The following NEGR1 variants were observed in gnomAD, a reference collection of about 807,000 sequenced individuals.
NEGR1 encodes IgLON family member 4.
Under a neutral mutation model 40.9 loss-of-function variants are expected in NEGR1, and 10 were observed. The observed-to-expected ratio is 0.24, with a 90% CI of 0.15 to 0.42. The LOEUF (loss-of-function observed/expected upper bound fraction) is 0.42. Ranked by LOEUF, NEGR1 falls within the 10% of genes least tolerant of loss-of-function variation. NEGR1 has a pLI of 1.00. For synonymous variants in NEGR1, 185 were observed against 166.8 expected (o/e 1.11, Z -0.84); for missense variants, 352 against 438.9 (o/e 0.80, Z 1.77).
chr1:72,100,725 A>C (rs979917623), intron 1 of NEGR1: 3 of 152,218 alleles, frequency 2.0e-5, no homozygotes, highest in Non-Finnish European at 4.4e-5. Flanking sequence ...AATCTTATCA[A>C]TTATGTGCCT....
intron 1 of NEGR1, among the ~76,000 whole-genome samples, chr1:72,127,300 T>TA (rs1226259848): frequency 3.3e-5 from 5 of 151,298 alleles, no homozygotes; most frequent in South Asian, 4.2e-4. Context: ...CTGTCTCTAC[T>TA]AAAAAAACAA....
intron 1 of NEGR1, among the ~76,000 whole-genome samples, chr1:72,070,789 A>T (rs1647430042): frequency 6.6e-6 from 1 of 152,078 alleles, no homozygotes; most frequent in Non-Finnish European, 1.5e-5. Context: ...TAACTATATT[A>T]AACAAAAGTC....
At chr1:72,232,171 T>C (rs965015274) in intron 1 of NEGR1, among the ~76,000 whole-genome samples, 2 of 152,038 alleles carry the variant, frequency 1.3e-5, no homozygotes, top group East Asian at 1.9e-4. Context: ...TTGGCCGATA[T>C]GGTGAAACCC....
chr1:71,965,824 C>A (rs567739850), intron 1 of NEGR1, among the ~76,000 whole-genome samples: 2 of 152,078 alleles, frequency 1.3e-5, no homozygotes, highest in South Asian at 4.2e-4. Context: ...ATTATGTCCT[C>A]CTTAGATAAC....
At chr1:72,186,823 G>A (rs1033398568) in intron 1 of NEGR1, among the ~76,000 whole-genome samples, 2 of 151,512 alleles carry the variant, frequency 1.3e-5, no homozygotes, top group African/African-American at 4.8e-5. Flanking sequence ...GAAGAACTCT[G>A]AAAACTGTAA....
Position 71,832,359 on chromosome 1 carries a change from G to A in NEGR1, c.410-56062C>T, listed in dbSNP as rs950965081. Among the ~76,000 whole-genome samples, 12 of 152,096 alleles carry A rather than the reference G, an allele frequency of 7.9e-5. No homozygotes were observed. In the East Asian group the frequency reaches 1.6e-3, roughly 20 times the overall value. ...TCAGAGATACAAAGCTGAAAGGAAG[G>A]TTGTCTCTAGATTTTTCTTGCTCAG... On this transcript the variant is annotated intron_variant, in intron 2 of 6. Transcript: ENST00000357731.
chr1:72,127,589 G>T (rs1023894633), intron 1 of NEGR1, among the ~76,000 whole-genome samples: 1 of 150,676 alleles, frequency 6.6e-6, no homozygotes, highest in African/African-American at 2.4e-5. Flanking sequence ...AGCATCTAAA[G>T]GTGGTATAAA....
chr1:72,276,630 G>A (rs951671317), intron 1 of NEGR1, among the ~76,000 whole-genome samples: 1 of 151,486 alleles, frequency 6.6e-6, no homozygotes, highest in Non-Finnish European at 1.5e-5. Flanking sequence ...TTTTTTCTTT[G>A]TAATATGCCT....
At chr1:71,961,026 A>G (rs1457679382) in intron 1 of NEGR1, among the ~76,000 whole-genome samples, 1 of 152,196 alleles carries the variant, frequency 6.6e-6, no homozygotes, top group Non-Finnish European at 1.5e-5. Flanking sequence ...AAATTATTAT[A>G]GCAACTACGT....
rs2101868260 is a variant in NEGR1 at position 71,906,126 on chromosome 1, T to C, written c.409+28953A>G. Among the ~76,000 whole-genome samples the C allele has an allele frequency of 1.3e-5, 2 of 152,228 alleles. 1 individual carries two copies. The highest frequency in any genetic ancestry group is 4.1e-4 in the South Asian group (2 of 4,824). On this transcript the variant is annotated intron_variant, in intron 2 of 6. Transcript: ENST00000357731. ...TACTCATGCTGCTAAAACGGAGCAC[T>C]CTAAAACTCTTCCAATTCTGGGTGC...
At chr1:71,860,777 C>T (rs1046078388) in intron 2 of NEGR1, among the ~76,000 whole-genome samples, 3 of 151,928 alleles carry the variant, frequency 2.0e-5, no homozygotes, top group African/African-American at 7.2e-5. Context: ...CTCTTATGTA[C>T]AGATGAAAAA....
At chr1:71,927,106 A>C (rs2101888426) in intron 2 of NEGR1, among the ~76,000 whole-genome samples, 1 of 152,284 alleles carries the variant, frequency 6.6e-6, no homozygotes, top group African/African-American at 2.4e-5. Flanking sequence ...TAGTAGCTAA[A>C]CCCATAACCT....
At chr1:72,075,088 G>A (rs1255689494) in intron 1 of NEGR1, among the ~76,000 whole-genome samples, 2 of 151,932 alleles carry the variant, frequency 1.3e-5, no homozygotes, top group Non-Finnish European at 2.9e-5. Context: ...AAATAACTTA[G>A]CAATTTTCCT....
At chr1:72,053,227 A>G (rs1425689745) in intron 1 of NEGR1, among the ~76,000 whole-genome samples, 1 of 151,030 alleles carries the variant, frequency 6.6e-6, no homozygotes, top group Non-Finnish European at 1.5e-5. Context: ...ATTTTTTTTT[A>G]GGAGCCTGTG....
chr1:71,901,678 T>TA (rs1489204719), intron 2 of NEGR1, among the ~76,000 whole-genome samples: 1 of 147,930 alleles, frequency 6.8e-6, no homozygotes, highest in Non-Finnish European at 1.5e-5. Context: ...TTTTTTTTTT[T>TA]TTTTTTTTTT....
intron 1 of NEGR1, among the ~76,000 whole-genome samples, chr1:72,142,742 A>T (rs1254326658): frequency 6.6e-6 from 1 of 151,760 alleles, no homozygotes; most frequent in African/African-American, 2.4e-5. Context: ...GGCAGAATTT[A>T]GTTTTTGTTT....
At chr1:72,165,875 TCTC>T (rs754456703) in intron 1 of NEGR1, among the ~76,000 whole-genome samples, 1 of 152,048 alleles carries the variant, frequency 6.6e-6, no homozygotes, top group African/African-American at 2.4e-5. Flanking sequence ...GTATCTATCT[TCTC>T]CTCTCTCACA....
intron 4 of NEGR1, among the ~76,000 whole-genome samples, chr1:71,622,190 G>A (rs1057216341): frequency 2.0e-5 from 3 of 151,788 alleles, no homozygotes; most frequent in Non-Finnish European, 2.9e-5. Context: ...GCTGTTTGCC[G>A]AACTTTCTTT....
At chr1:71,500,829 A>C (rs970955577) in intron 6 of NEGR1, among the ~76,000 whole-genome samples, 1 of 152,064 alleles carries the variant, frequency 6.6e-6, no homozygotes, top group African/African-American at 2.4e-5. Flanking sequence ...TATAATATCT[A>C]ATAAAATGTG....
Sources: gnomAD v4.1 joint callset for allele counts (sites outside exome capture counted in the v4.1 genomes callset) on GRCh38, gnomAD v4.1.1 for gene constraint, MANE v1.5 for transcripts, NCBI Gene and HGNC (gene_info 2026-07-23, HGNC 2026-07-21) for gene names.